Variants in ACER3 observed in about 807,000 individuals in gnomAD.
ACER3 encodes alkaline ceramidase 3.
ACER3 carries 16 observed loss-of-function variants against 48.9 expected under a neutral mutation model. That is an observed-to-expected ratio of 0.33 (90% confidence interval 0.22 to 0.50). The LOEUF (loss-of-function observed/expected upper bound fraction) is 0.50, where lower values mean the gene tolerates loss of function less well. Among genes scored for constraint, ACER3 ranks in the 20% least tolerant of loss-of-function variants. The pLI is 0.98. For synonymous variants in ACER3, 109 were observed against 107.8 expected (o/e 1.01, Z -0.07); for missense variants, 227 against 326.0 (o/e 0.70, Z 2.34).
At chr11:76,934,064 G>A (rs1183006854) in intron 2 of ACER3, among the ~76,000 whole-genome samples, 58 of 151,934 alleles carry the variant, frequency 3.8e-4, no homozygotes, top group Non-Finnish European at 7.2e-4. Flanking sequence ...GCCGGGCAGA[G>A]ACGCTCCTCA....
At chr11:76,967,372 C>T (rs1214903809) in intron 3 of ACER3, among the ~76,000 whole-genome samples, 2 of 152,174 alleles carry the variant, frequency 1.3e-5, no homozygotes, top group East Asian at 3.8e-4. Context: ...CGAATTCTAC[C>T]AGAGGTACAA....
chr11:76,949,410 A>C (rs1254205995), intron 2 of ACER3, among the ~76,000 whole-genome samples: 2 of 152,206 alleles, frequency 1.3e-5, no homozygotes, highest in African/African-American at 4.8e-5. Context: ...TGATGTCACA[A>C]ACAGGCAAGT....
chr11:77,021,219 T>A lies in ACER3; in HGVS notation c.*892T>A, dbSNP rs910612930. ...GGGAATGTCATTACACTCTGATTTT[T>A]AAAATTATGCAGTATTTTCCAGTTC... On this transcript the variant is annotated 3_prime_UTR_variant, in exon 11 of 11. Coordinates refer to ENST00000532485, the MANE Select transcript of ACER3 (RefSeq NM_018367.7). 6 of 152,360 alleles carry A rather than the reference T, an allele frequency of 3.9e-5. No individual in the cohort carries two copies. The highest frequency in any genetic ancestry group is 3.4e-3 in the Middle Eastern group (1 of 294). 9.4% of individuals were successfully genotyped at this position (152,360 alleles called of 1,614,324 possible). A position where few individuals can be genotyped will look rare whatever the true frequency, so the allele number is the denominator to read the frequency against.
At chr11:76,861,406 G>T (rs1169996586) in intron 1 of ACER3, among the ~76,000 whole-genome samples, 2 of 152,132 alleles carry the variant, frequency 1.3e-5, no homozygotes, top group Admixed American at 6.5e-5. Context: ...TCCTGCCCGA[G>T]AGCGGAGTGG....
intron 1 of ACER3, among the ~76,000 whole-genome samples, chr11:76,875,104 C>CTTTTTTTT (rs1403847569): frequency 2.0e-5 from 1 of 50,510 alleles, no homozygotes; most frequent in South Asian, 8.2e-4. Context: ...ATGAAAAGCA[C>CTTTTTTTT]TTCTTTTTTT....
chr11:77,025,143 T>C lies in ACER3; in HGVS notation c.*4816T>C, dbSNP rs1228206981. The C allele has an allele frequency of 1.3e-5, 2 of 152,160 alleles. No homozygotes were observed. The highest frequency in any genetic ancestry group is 6.5e-5 in the Admixed American group (1 of 15,284). 9.4% of individuals were successfully genotyped at this position (152,160 alleles called of 1,614,324 possible). A position where few individuals can be genotyped will look rare whatever the true frequency, so the allele number is the denominator to read the frequency against. ...CAGATCTGTAATCATCACTTTTAAA[T>C]TGAATTTGCAGAATTAACTCTAAAG... On this transcript the variant is annotated 3_prime_UTR_variant, in exon 11 of 11. Transcript: ENST00000532485.
chr11:76,958,900 A>G, intron 2 of ACER3, 79 bp from the exon 3 acceptor site: 1 of 1,476,458 alleles, frequency 6.8e-7, no homozygotes, highest in African/African-American at 1.4e-5. Context: ...AATGCTTTGA[A>G]ATGTCTTATT....
At chr11:76,911,042 C>T (rs1401422720) in intron 1 of ACER3, among the ~76,000 whole-genome samples, 1 of 152,086 alleles carries the variant, frequency 6.6e-6, no homozygotes. Context: ...GCTACTGTTA[C>T]CCAATCCAGA....
intron 7 of ACER3, among the ~76,000 whole-genome samples, chr11:76,999,673 T>A (rs1268867394): frequency 6.6e-6 from 1 of 152,118 alleles, no homozygotes; most frequent in Non-Finnish European, 1.5e-5. Flanking sequence ...CTTAATCTGT[T>A]CTGCATTTCT....
At chr11:76,894,382 T>A (rs1284181326) in intron 1 of ACER3, among the ~76,000 whole-genome samples, 1 of 152,228 alleles carries the variant, frequency 6.6e-6, no homozygotes, top group African/African-American at 2.4e-5. Flanking sequence ...TCAATGGTAT[T>A]ACCTTAAACT....
At chr11:76,948,286 A>G (rs1288203003) in intron 2 of ACER3, among the ~76,000 whole-genome samples, 1 of 149,280 alleles carries the variant, frequency 6.7e-6, no homozygotes, top group Non-Finnish European at 1.5e-5. Flanking sequence ...TTACTATAAT[A>G]AGGTTACATA....
At chr11:76,938,223 C>G (rs1161499181) in intron 2 of ACER3, among the ~76,000 whole-genome samples, 1 of 152,176 alleles carries the variant, frequency 6.6e-6, no homozygotes, top group Non-Finnish European at 1.5e-5. Flanking sequence ...CCATGTTGCC[C>G]AGGCTGGTTT....
intron 3 of ACER3, among the ~76,000 whole-genome samples, chr11:76,963,535 T>A (rs1418886580): frequency 2.0e-5 from 3 of 151,276 alleles, no homozygotes. Context: ...TGTGGTTTAG[T>A]ATGTTAATGA....
At chr11:76,977,486 A>G (rs1377825442) in intron 4 of ACER3, among the ~76,000 whole-genome samples, 3 of 152,218 alleles carry the variant, frequency 2.0e-5, no homozygotes, top group African/African-American at 7.2e-5. Context: ...ATTAGAGGAA[A>G]GCCTCCTTCA....
At chr11:76,869,251 C>G (rs1945179811) in intron 1 of ACER3, among the ~76,000 whole-genome samples, 1 of 152,194 alleles carries the variant, frequency 6.6e-6, no homozygotes, top group Non-Finnish European at 1.5e-5. Flanking sequence ...TTTCCCCACA[C>G]ACACTTGGTC....
At chr11:76,946,831 C>G (rs949520582) in intron 2 of ACER3, among the ~76,000 whole-genome samples, 1 of 152,216 alleles carries the variant, frequency 6.6e-6, no homozygotes, top group Non-Finnish European at 1.5e-5. Context: ...CTTTCTGGAG[C>G]AACATCTCTG....
At chr11:76,943,729 C>T (rs185286942) in intron 2 of ACER3, among the ~76,000 whole-genome samples, 59 of 130,652 alleles carry the variant, frequency 4.5e-4, no homozygotes, top group African/African-American at 1.5e-3. Flanking sequence ...CTATCTAGTG[C>T]GGTCAGTGAT....
intron 2 of ACER3, among the ~76,000 whole-genome samples, chr11:76,929,600 G>A (rs1367729423): frequency 6.6e-6 from 1 of 152,140 alleles, no homozygotes; most frequent in Non-Finnish European, 1.5e-5. Context: ...CTGTGGGTCT[G>A]TCATAAATAG....
At position 77,023,207 on chromosome 11, in the gene ACER3, A is replaced by G. The variant is rs7127936; in HGVS notation, c.*2880A>G. ...ATAATCTACAAATGAGAACCCAAAT[A>G]GTAGTGTTTTGTTTGACAGAAGTAA... On this transcript the variant is annotated 3_prime_UTR_variant, in exon 11 of 11. Transcript: ENST00000532485. 292,487 of 398,174 alleles carry G rather than the reference A, an allele frequency of 0.73. 108,177 individuals are homozygous for G. The highest frequency in any genetic ancestry group is 0.77 in the Non-Finnish European group (173,227 of 225,916). 24.7% of individuals were successfully genotyped at this position (398,174 alleles called of 1,614,324 possible).
Sources: allele counts gnomAD v4.1 joint callset (sites outside exome capture counted in the v4.1 genomes callset), GRCh38; gene constraint gnomAD v4.1.1; transcripts MANE v1.5; gene names NCBI Gene and HGNC (gene_info 2026-07-23, HGNC 2026-07-21).